CARD14: variants seen among roughly 807,000 people sequenced by gnomAD.
CARD14 encodes the protein caspase recruitment domain family member 14.
In CARD14, 107 loss-of-function variants were observed where a neutral mutation model predicts 111.5. That is an observed-to-expected ratio of 0.96 (90% CI 0.82 to 1.13). CARD14 has a LOEUF of 1.13. CARD14 is among the 50% of genes most tolerant of loss of function. CARD14 has a pLI of 0.00. For synonymous variants in CARD14, 617 were observed against 579.6 expected (o/e 1.06, Z -0.93); for missense variants, 1,322 against 1,362.3 (o/e 0.97, Z 0.47).
rs369150206 is a variant in CARD14 at position 80,191,404 on chromosome 17, G to C, written c.1171G>C (p.Glu391Gln). 3 of 1,613,738 alleles carry C rather than the reference G, an allele frequency of 1.9e-6. No individual in the cohort carries two copies. Among genetic ancestry groups the C allele is most frequent in the Non-Finnish European group, 2.5e-6 (3 of 1,180,042 alleles). The change falls in exon 11 of 24, where the codon GAG (glutamate) becomes CAG (glutamine). Residue 391 changes from glutamate to glutamine, a missense_variant. By Grantham distance (29) the Glu-to-Gln change is conservative. Coordinates refer to ENST00000648509, the MANE Select transcript of CARD14 (RefSeq NM_001366385.1). ...GGACTCCCTCCGCAGGCAGGTGTTC[G>C]AGCTGACGGACCAGGTCTGCGAGCT... ...EKDSLRRQVF[E>Q]LTDQVCELRT...
chr17:80,180,005 CA>C (rs1296620940), intron 4 of CARD14, among the ~76,000 whole-genome samples: 1 of 152,142 alleles, frequency 6.6e-6, no homozygotes, highest in Non-Finnish European at 1.5e-5. Context: ...TTGTTATTTG[CA>C]GGATTTTTTA....
At chr17:80,204,400 G>A in intron 20 of CARD14, 59 bp downstream of exon 20, 1 of 1,468,542 alleles carries the variant, frequency 6.8e-7, no homozygotes, top group Middle Eastern at 2.3e-4. Flanking sequence ...GGGGCTTTGG[G>A]AGCTGCTGCT....
Position 80,184,091 on chromosome 17 carries a change from C to A in CARD14, c.528C>A (p.Asp176Glu), listed in dbSNP as rs2040260655. Residue 176 changes from aspartate (D) to glutamate (E), a missense_variant, in exon 7 of 24, where the codon GAC becomes GAA. Physicochemically the swap from Asp to Glu is conservative, Grantham distance 45 (BLOSUM62 2). Coordinates refer to ENST00000648509, the MANE Select transcript of CARD14 (RefSeq NM_001366385.1). ...AGGGCCTGCACCAGCTGGAGGCTGACCACAGCCGCATGAAGCGTGAGGTTA... is the reference window on the plus strand; with the variant it reads ...AGGGCCTGCACCAGCTGGAGGCTGAACACAGCCGCATGAAGCGTGAGGTTA... Reference protein sequence around the residue: ...RAEGLHQLEADHSRMKREVSA... With the variant: ...RAEGLHQLEAEHSRMKREVSA... The A allele has an allele frequency of 6.3e-7, 1 of 1,583,254 alleles. No individual in the cohort carries two copies. Among genetic ancestry groups the A allele is most frequent in the Non-Finnish European group, 8.6e-7 (1 of 1,165,430 alleles).
chr17:80,182,785 T>G lies in CARD14; in HGVS notation c.344T>G (p.Phe115Cys). 6.2e-7 allele frequency: 1 copy of G among 1,614,150 alleles called. No homozygotes were observed. Among genetic ancestry groups the G allele is most frequent in the Non-Finnish European group, 8.5e-7 (1 of 1,180,004 alleles). ...GLQPDVDFSN[F>C]SGLMETSKLT... is the part of the protein sequence containing the mutation. ...CAGCCTGATGTTGACTTCAGTAACTTTAGCGGTGAGAGCTCCGACTTTGAC... is the reference window on the plus strand; with the variant it reads ...CAGCCTGATGTTGACTTCAGTAACTGTAGCGGTGAGAGCTCCGACTTTGAC... Residue 115 changes from phenylalanine (F) to cysteine (C), a missense_variant, in exon 6 of 24, where the codon TTT (phenylalanine) becomes TGT (cysteine). Physicochemically the swap from Phe to Cys is radical, Grantham distance 205. Coordinates refer to ENST00000648509, the MANE Select transcript of CARD14 (RefSeq NM_001366385.1). The surrounding 1 kb of genome is among the most constrained non-coding windows in gnomAD (Gnocchi z 4.7).
At chr17:80,192,676 GC>G (rs1267312678) in intron 12 of CARD14, 57 bp downstream of exon 12, 1 of 1,337,410 alleles carries the variant, frequency 7.5e-7, no homozygotes, top group African/African-American at 1.4e-5. Context: ...CAGCCCAGGG[GC>G]CTCTCTGTCA....
At chr17:80,207,349 G>C (rs926902316) in intron 23 of CARD14, among the ~76,000 whole-genome samples, 19 of 152,182 alleles carry the variant, frequency 1.2e-4, no homozygotes, top group Non-Finnish European at 2.6e-4. Flanking sequence ...TCAGCAGTTC[G>C]AGACCAGCCT....
intron 16 of CARD14, among the ~76,000 whole-genome samples, chr17:80,199,577 A>AAAAG (rs1555615291): frequency 2.7e-5 from 4 of 148,722 alleles, no homozygotes; most frequent in Admixed American, 6.7e-5. Flanking sequence ...AAAAAAAAAA[A>AAAAG]AAAAGAAAAG....
intron 7 of CARD14, among the ~76,000 whole-genome samples, chr17:80,186,348 T>G (rs1381690798): frequency 4.6e-5 from 7 of 152,202 alleles, no homozygotes; most frequent in Non-Finnish European, 1.0e-4. Flanking sequence ...CTGTCCTTAA[T>G]GATTTTGGTC....
rs758115256 is a variant in CARD14 at position 80,188,313 on chromosome 17, C to A, written c.676-64C>A. 9 of 1,509,494 alleles carry A rather than the reference C, an allele frequency of 6.0e-6. No individual in the cohort carries two copies. The highest frequency in any genetic ancestry group is 8.0e-6 in the Non-Finnish European group (9 of 1,121,012). The allele number at this position is 1,509,494 out of a possible 1,614,324, so 93.5% of individuals were successfully genotyped here. On this transcript the variant is annotated intron_variant, in intron 7 of 23. Coordinates refer to ENST00000648509, the MANE Select transcript of CARD14 (RefSeq NM_001366385.1). The surrounding 1 kb of genome is among the most constrained non-coding windows in gnomAD (Gnocchi z 4.5). ...ATTAGGAGGAAGGGTGAGAAATGCC[C>A]CCAGCTCCTGATCAGGGGAGAAGCT... is the stretch of plus-strand genomic sequence containing the variant.
Position 80,207,210 on chromosome 17 carries a change from T to C in CARD14, c.2807+125T>C, listed in dbSNP as rs2041372800. ...GGAAGCTGAGGCGCTGACAGGGCCG[T>C]TTCCGCACAACTTTGGGACAAGGGC... On this transcript the variant is annotated intron_variant, in intron 23 of 23. Transcript: ENST00000648509. The C allele has an allele frequency of 1.9e-5, 12 of 627,622 alleles. 1 individual carries two copies. In the East Asian group the frequency reaches 3.6e-4, roughly 19 times the overall value. 38.9% of individuals were successfully genotyped at this position (627,622 alleles called of 1,614,324 possible). A position where few individuals can be genotyped will look rare whatever the true frequency, so the allele number is the denominator to read the frequency against.
chr17:80,206,935 G>T, intron 22 of CARD14, 35 bp from the exon 23 acceptor site: 1 of 1,530,594 alleles, frequency 6.5e-7, no homozygotes, highest in Non-Finnish European at 9.0e-7. Context: ...TGAGGCCTGT[G>T]ATCTTGACTC....
At position 80,198,824 on chromosome 17, in the gene CARD14, CA is replaced by C; in HGVS notation, c.1851+234del. The C allele has an allele frequency of 6.8e-7, 1 of 1,470,780 alleles. No individual in the cohort carries two copies. The highest frequency in any genetic ancestry group is 9.0e-7 in the Non-Finnish European group (1 of 1,116,330). 91.1% of individuals were successfully genotyped at this position (1,470,780 alleles called of 1,614,324 possible). A position where few individuals can be genotyped will look rare whatever the true frequency, so the allele number is the denominator to read the frequency against. ...GCTGCTGCCATGCGGCGCTTCTGAC[CA>C]GGGGTCTTTGCATGAGGCCCCTTGA... On this transcript the variant is annotated intron_variant, in intron 16 of 23. Transcript: ENST00000648509. The surrounding 1 kb of genome is among the most constrained non-coding windows in gnomAD (Gnocchi z 7.5).
Position 80,201,808 on chromosome 17 carries a change from C to A in CARD14, c.1916C>A (p.Ala639Asp), listed in dbSNP as rs918043908. 3 of 1,613,766 alleles carry A rather than the reference C, an allele frequency of 1.9e-6. No homozygotes were observed. The South Asian group carries it at 3.3e-5, about 18-fold the overall frequency. ...CTGGAGGACACGACCCTGGAGGAGG[C>A]CGTGGGGCTTCTCAGGAGGGTGGAC... ...AVLEDTTLEEAVGLLRRVDGF... is the reference protein window; with the variant it reads ...AVLEDTTLEEDVGLLRRVDGF... Residue 639 changes from alanine (A) to aspartate (D), a missense_variant, in exon 17 of 24, where the codon GCC (alanine) becomes GAC (aspartate). Ala to Asp is a moderately radical substitution (Grantham distance 126). Transcript: ENST00000648509. The surrounding 1 kb of genome is among the most constrained non-coding windows in gnomAD (Gnocchi z 5.0).
chr17:80,192,855 C>T lies in CARD14; in HGVS notation c.1356+236C>T, dbSNP rs555206280. On this transcript the variant is annotated intron_variant, in intron 12 of 23. Transcript: ENST00000648509. ...GCAACCTCCACCTCCCAGGTTCAAG[C>T]GATTCTCTTGCCTCAGCCACCCAAG... Among the ~76,000 whole-genome samples the T allele has an allele frequency of 7.9e-5, 12 of 152,320 alleles. No individual in the cohort carries two copies. In the South Asian group the frequency reaches 1.2e-3, roughly 16 times the overall value.
chr17:80,203,710 A>T lies in CARD14; in HGVS notation c.2220-112A>T. On this transcript the variant is annotated intron_variant, in intron 18 of 23. Coordinates refer to ENST00000648509, the MANE Select transcript of CARD14 (RefSeq NM_001366385.1). The surrounding 1 kb of genome is among the most constrained non-coding windows in gnomAD (Gnocchi z 4.6). ...AAGGGATGTGTGGAGCTCTAGGTGG[A>T]GGCCCTTCTCTCCCACCCGGCCATC... The T allele has an allele frequency of 1.5e-6, 1 of 689,002 alleles. No individual in the cohort carries two copies. 42.7% of individuals were successfully genotyped at this position (689,002 alleles called of 1,614,324 possible). A position where few individuals can be genotyped will look rare whatever the true frequency, so the allele number is the denominator to read the frequency against.
rs2041450692 is a variant in CARD14, at chr17:80,208,156, G to A, written c.2826G>A (p.Leu942=). Residue 942 remains leucine, a synonymous_variant, in exon 24 of 24, where the codon TTG becomes TTA. Transcript: ENST00000648509. ...TGTGCAGGAAGGGCCTACAGCGGTT[G>A]GGCACCTCAGAGGAGCAGCTCCTGG... ...AKKLKKGLQR[L]GTSEEQLLEA... 7.1e-6 allele frequency: 11 copies of A among 1,544,258 alleles called. No homozygotes were observed. Among genetic ancestry groups the A allele is most frequent in the Non-Finnish European group, 9.6e-6 (11 of 1,143,430 alleles).
In CARD14 at chr17:80,191,311, C is replaced by T. The variant is rs749499170; in HGVS notation, c.1090-12C>T. 24 of 1,603,490 alleles carry T rather than the reference C, an allele frequency of 1.5e-5. No homozygotes were observed. Among genetic ancestry groups the T allele is most frequent in the South Asian group, 1.3e-4 (12 of 90,844 alleles). ...GATGGCGCGGCCTCCTTACTCCCGT[C>T]GTGGCCCACAGGCGTACTCCGCGAG... On this transcript the variant is annotated splice_polypyrimidine_tract_variant and intron_variant, in intron 10 of 23. Transcript: ENST00000648509.
At chr17:80,186,390 C>G (rs1026983529) in intron 7 of CARD14, among the ~76,000 whole-genome samples, 2 of 152,182 alleles carry the variant, frequency 1.3e-5, no homozygotes, top group Non-Finnish European at 2.9e-5. Context: ...CAATGGAACC[C>G]TTCAACCAGC....
Position 80,195,588 on chromosome 17 carries a change from G to T in CARD14, c.1530G>T (p.Pro510=), listed in dbSNP as rs376285944. The part of the protein sequence containing the change: ...SSCLEIPEGD[P]GALPGAKAGD... ...GCCTGGAGATCCCGGAGGGAGACCC[G>T]GGAGCCCTGCCGGGAGCTAAGGCAG... Residue 510 remains proline, a synonymous_variant, in exon 14 of 24, where the codon CCG becomes CCT. Transcript: ENST00000648509. The surrounding 1 kb of genome is among the most constrained non-coding windows in gnomAD (Gnocchi z 4.7). 1.2e-6 allele frequency: 2 copies of T among 1,612,720 alleles called. No homozygotes were observed. Among genetic ancestry groups the T allele is most frequent in the African/African-American group, 2.7e-5 (2 of 74,920 alleles).
Sources: allele counts gnomAD v4.1 joint callset (sites outside exome capture counted in the v4.1 genomes callset), GRCh38; gene constraint gnomAD v4.1.1; non-coding constraint Gnocchi (gnomAD v3.1); transcripts MANE v1.5; gene names NCBI Gene and HGNC (gene_info 2026-07-23, HGNC 2026-07-21).